Variants in SLC30A7 observed in about 807,000 individuals in gnomAD.
The protein encoded by SLC30A7 is solute carrier family 30 member 7, also known as zinc transporter 7.
Under a neutral mutation model 46.0 loss-of-function variants are expected in SLC30A7, and 35 were observed. The observed-to-expected ratio is 0.76, with a 90% CI of 0.58 to 1.01. The LOEUF (loss-of-function observed/expected upper bound fraction) is 1.01. Among genes scored for constraint, SLC30A7 ranks in the 50% least tolerant of loss-of-function variants. SLC30A7 has a pLI of 0.00. For synonymous variants in SLC30A7, 147 were observed against 157.8 expected (o/e 0.93, Z 0.51); for missense variants, 464 against 451.1 (o/e 1.03, Z -0.26).
intron 10 of SLC30A7, among the ~76,000 whole-genome samples, chr1:100,971,822 G>A (rs1656178287): frequency 6.6e-6 from 1 of 152,090 alleles, no homozygotes; most frequent in Non-Finnish European, 1.5e-5. Flanking sequence ...ATGAATATAT[G>A]TACAGTCGAA....
At chr1:100,925,320 A>G (rs147265201) in intron 8 of SLC30A7, among the ~76,000 whole-genome samples, 1 of 152,356 alleles carries the variant, frequency 6.6e-6, no homozygotes, top group African/African-American at 2.4e-5. Flanking sequence ...GGGGAAGACT[A>G]CCTAGGGTTA....
At chr1:100,928,770 C>T (rs1653479279) in intron 8 of SLC30A7, among the ~76,000 whole-genome samples, 2 of 152,102 alleles carry the variant, frequency 1.3e-5, no homozygotes, top group Non-Finnish European at 2.9e-5. Context: ...GCAGAGGTCA[C>T]ATAACCACTG....
rs140671852 is a variant in SLC30A7 at position 100,959,829 on chromosome 1, A to G, written c.843-1999A>G. Among the ~76,000 whole-genome samples, 9 of 152,352 alleles carry G rather than the reference A, an allele frequency of 5.9e-5. No homozygotes were observed. In the East Asian group the frequency reaches 1.7e-3, roughly 29 times the overall value. On this transcript the variant is annotated intron_variant, in intron 8 of 10. Coordinates refer to ENST00000357650, the MANE Select transcript of SLC30A7 (RefSeq NM_133496.5). ...ACATAGGGCAGGGTCATTGGGAGCC[A>G]TCACTGAAGCTGCCTGTTACGTGGA...
chr1:100,959,357 T>A (rs1655413080), intron 8 of SLC30A7, among the ~76,000 whole-genome samples: 1 of 152,218 alleles, frequency 6.6e-6, no homozygotes, highest in South Asian at 2.1e-4. Flanking sequence ...GCTAAAATAA[T>A]ACACATTATT....
chr1:100,979,518 G>T lies in SLC30A7; in HGVS notation c.*4661G>T, dbSNP rs1300256225. ...CCAAATGGATGTGAGTCTGACAAGG[G>T]TGTCTTTGATTTATATTTCCTAACT... On this transcript the variant is annotated 3_prime_UTR_variant, in exon 11 of 11. Transcript: ENST00000357650. 6.6e-6 allele frequency: 1 copy of T among 151,808 alleles called. No homozygotes were observed. The highest frequency in any genetic ancestry group is 1.5e-5 in the Non-Finnish European group (1 of 67,898). 9.4% of individuals were successfully genotyped at this position (151,808 alleles called of 1,614,324 possible).
rs1215558474 is a variant in SLC30A7 at position 100,896,576 on chromosome 1, A to G, written c.87A>G (p.Ile29Met). 1 of 1,613,732 alleles carries G rather than the reference A, an allele frequency of 6.2e-7. No homozygotes were observed. Among genetic ancestry groups the G allele is most frequent in the South Asian group, 1.1e-5 (1 of 91,040 alleles). ...FGKISGWFRS[I>M]LSDKTSRNLF... ...CCACGTGTATCATTCCCAGGTCTATACTGTCCGACAAGACTTCCCGGAACC... is the reference window on the plus strand; with the variant it reads ...CCACGTGTATCATTCCCAGGTCTATGCTGTCCGACAAGACTTCCCGGAACC... Residue 29 changes from isoleucine (I) to methionine (M), a missense_variant, in exon 2 of 11, where the codon ATA (isoleucine) becomes ATG (methionine). Transcript: ENST00000357650.
At chr1:100,913,202 T>G (rs1652246053) in intron 5 of SLC30A7, among the ~76,000 whole-genome samples, 1 of 152,240 alleles carries the variant, frequency 6.6e-6, no homozygotes, top group African/African-American at 2.4e-5. Flanking sequence ...AGCTTTCTTG[T>G]GTCTGCCTTA....
At chr1:100,912,022 CTGAAAG>C in intron 4 of SLC30A7, 84 bp from the exon 5 acceptor site, 1 of 1,159,698 alleles carries the variant, frequency 8.6e-7, no homozygotes, top group South Asian at 1.7e-5. Context: ...CCAAAAATAA[CTGAAAG>C]TGTTTAATGT....
At chr1:100,944,245 G>T (rs527534636) in intron 8 of SLC30A7, among the ~76,000 whole-genome samples, 2 of 152,182 alleles carry the variant, frequency 1.3e-5, no homozygotes, top group South Asian at 4.1e-4. Context: ...TTGCCATGTT[G>T]TCCAGGCTGG....
chr1:100,994,480 A>G, the SLC30A7 span, among the ~76,000 whole-genome samples: 4 of 151,974 alleles, frequency 2.6e-5, no homozygotes, highest in Admixed American at 2.0e-4. Flanking sequence ...AGGCTCAGAG[A>G]TGGAAGTAAC....
At position 100,941,689 on chromosome 1, in the gene SLC30A7, A is replaced by G. The variant is rs1014809112; in HGVS notation, c.842+19848A>G. On this transcript the variant is annotated intron_variant, in intron 8 of 10. Transcript: ENST00000357650. Reference sequence around the variant, plus strand: ...TGGTCTCTGAGAGTCTTCTCTTGAGACAGCTCTCTTTGGTTCCACAACTCT... The same window carrying G: ...TGGTCTCTGAGAGTCTTCTCTTGAGGCAGCTCTCTTTGGTTCCACAACTCT... The G allele has an allele frequency of 4.8e-5, 31 of 641,472 alleles. No homozygotes were observed. The African/African-American group carries it at 5.0e-4, about 10-fold the overall frequency. 39.7% of individuals were successfully genotyped at this position (641,472 alleles called of 1,614,324 possible). A position where few individuals can be genotyped will look rare whatever the true frequency, so the allele number is the denominator to read the frequency against.
intron 6 of SLC30A7, among the ~76,000 whole-genome samples, chr1:100,915,193 T>TTTTC (rs200989431): frequency 0.14 from 12,793 of 90,654 alleles, 1,159 homozygotes; most frequent in African/African-American, 0.15. Context: ...CTTTTCTTTC[T>TTTTC]TTTCTTTCTT....
chr1:100,972,041 T>C (rs1268456571), intron 10 of SLC30A7, among the ~76,000 whole-genome samples: 1 of 152,170 alleles, frequency 6.6e-6, no homozygotes, highest in East Asian at 1.9e-4. Flanking sequence ...TGTACATTAT[T>C]CTCAGGATAT....
intron 8 of SLC30A7, among the ~76,000 whole-genome samples, chr1:100,927,228 G>A (rs1041557165): frequency 3.3e-5 from 5 of 152,170 alleles, no homozygotes; most frequent in African/African-American, 7.2e-5. Flanking sequence ...TTCTGAGACC[G>A]AGTATTGATA....
intron 8 of SLC30A7, chr1:100,941,900 C>T (rs1349004645): frequency 2.0e-5 from 7 of 347,844 alleles, no homozygotes; most frequent in Non-Finnish European, 5.3e-6. Context: ...AATGGCTCCT[C>T]AGATCTTCCT....
chr1:100,911,012 A>C, intron 3 of SLC30A7, 51 bp from the exon 4 acceptor site: 1 of 1,406,842 alleles, frequency 7.1e-7, no homozygotes, highest in Non-Finnish European at 1.0e-6. Context: ...TTACGATTTA[A>C]TTTTTAAGAA....
rs569826151 is a variant in SLC30A7, at chr1:100,945,498, T to C, written c.843-16330T>C. Among the ~76,000 whole-genome samples, 3 of 152,350 alleles carry C rather than the reference T, an allele frequency of 2.0e-5. No individual in the cohort carries two copies. In the South Asian group the frequency reaches 6.2e-4, roughly 32 times the overall value. On this transcript the variant is annotated intron_variant, in intron 8 of 10. Transcript: ENST00000357650. Reference sequence around the variant, plus strand: ...AGGAAAGGATCCAGTTTCAGCTTTCTACATATGGCTAGCCAGTTTTCCCAG... The same window carrying C: ...AGGAAAGGATCCAGTTTCAGCTTTCCACATATGGCTAGCCAGTTTTCCCAG...
At chr1:100,985,736 C>A (rs756699191), downstream of SLC30A7, among the ~76,000 whole-genome samples, 9 of 151,692 alleles carry the variant, frequency 5.9e-5, no homozygotes, top group Non-Finnish European at 1.3e-4. Flanking sequence ...ATCTAAAACT[C>A]ACTTCATACA....
chr1:100,969,930 G>A (rs1207486504), intron 10 of SLC30A7, among the ~76,000 whole-genome samples: 1 of 152,088 alleles, frequency 6.6e-6, no homozygotes, highest in Non-Finnish European at 1.5e-5. Flanking sequence ...CCCTAGTAAT[G>A]CATGGTCCTT....
Sources: gnomAD v4.1 joint callset for allele counts (sites outside exome capture counted in the v4.1 genomes callset) on GRCh38, gnomAD v4.1.1 for gene constraint, MANE v1.5 for transcripts, NCBI Gene and HGNC (gene_info 2026-07-23, HGNC 2026-07-21) for gene names.